Variants in RARB observed in about 807,000 individuals in gnomAD.
RARB encodes retinoic acid receptor beta.
RARB carries 17 observed loss-of-function variants against 51.9 expected under a neutral mutation model. The ratio of observed to expected loss-of-function variants is 0.33; its 90% CI spans 0.22 to 0.49. The LOEUF (loss-of-function observed/expected upper bound fraction) is 0.49, where lower values mean the gene tolerates loss of function less well. Ranked by LOEUF, RARB falls within the 20% of genes least tolerant of loss-of-function variation. The pLI, the probability that RARB is intolerant of heterozygous loss-of-function variation, is 0.99. For missense variants in RARB, 369 were observed against 550.8 expected, an observed-to-expected ratio of 0.67 and a Z score of 3.30; for synonymous variants, 215 against 195.4, an observed-to-expected ratio of 1.10 and a Z score of -0.84.
At chr3:25,174,808 T>C (rs1259179709) in intron 5 of RARB, among the ~76,000 whole-genome samples, 1 of 152,226 alleles carries the variant, frequency 6.6e-6, no homozygotes, top group Non-Finnish European at 1.5e-5. Flanking sequence ...CTCTGTTTCA[T>C]AAAATGCAAA....
chr3:25,323,193 G>A (rs1352800131), intron 5 of RARB, among the ~76,000 whole-genome samples: 1 of 152,156 alleles, frequency 6.6e-6, no homozygotes, highest in Non-Finnish European at 1.5e-5. Context: ...TGAAGCTCTG[G>A]GCCCAGCCAA....
Position 25,279,660 on chromosome 3 carries a change from G to T in RARB, c.178+105085G>T, listed in dbSNP as rs187623730. Among the ~76,000 whole-genome samples, 11 of 152,078 alleles carry T rather than the reference G, an allele frequency of 7.2e-5. No individual in the cohort carries two copies. In the East Asian group the frequency reaches 1.9e-3, roughly 27 times the overall value. ...CAAAAGGGAGAAAATGGTAAAGAAA[G>T]TTAGAGTGGTTTTGAGAAATATGGT... On this transcript the variant is annotated intron_variant, in intron 5 of 11. Coordinates refer to the RARB transcript ENST00000383772.
At chr3:25,353,564 G>T (rs1705641274) in intron 5 of RARB, among the ~76,000 whole-genome samples, 1 of 142,010 alleles carries the variant, frequency 7.0e-6, no homozygotes, top group African/African-American at 2.6e-5. Context: ...GATATCTTTT[G>T]TGGGAAAACT....
intron 1 of RARB, among the ~76,000 whole-genome samples, chr3:24,844,777 C>A (rs1014068901): frequency 1.3e-5 from 2 of 152,168 alleles, no homozygotes; most frequent in Admixed American, 1.3e-4. Context: ...TGGACCCCTG[C>A]GATCTGGAAC....
chr3:25,596,523 A>C lies in RARB; in HGVS notation c.1254A>C (p.Pro418=). The change falls in exon 8 of 8, where the codon CCA becomes CCC. Residue 418 remains proline (P), a synonymous_variant. Coordinates refer to ENST00000330688, the MANE Select transcript of RARB (RefSeq NM_000965.5). ...CTGAAGGACATGAACCCTTGACCCC[A>C]AGTTCAAGTGGGAACACAGCAGAGC... The part of the protein sequence containing the change: ...ENSEGHEPLT[P]SSSGNTAEHS... 6.2e-7 allele frequency: 1 copy of C among 1,613,510 alleles called. No individual in the cohort carries two copies. Among genetic ancestry groups the C allele is most frequent in the South Asian group, 1.1e-5 (1 of 91,064 alleles).
intron 5 of RARB, among the ~76,000 whole-genome samples, chr3:25,300,382 T>C (rs1458414712): frequency 6.6e-6 from 1 of 152,190 alleles, no homozygotes; most frequent in Non-Finnish European, 1.5e-5. Flanking sequence ...AGACTCTTGG[T>C]CTAACCATTA....
At chr3:25,288,533 C>T (rs149882761) in intron 5 of RARB, among the ~76,000 whole-genome samples, 1 of 152,274 alleles carries the variant, frequency 6.6e-6, no homozygotes, top group East Asian at 1.9e-4. Flanking sequence ...AACCCATGAG[C>T]CCAGGACACT....
At chr3:25,074,451 G>C (rs1358623051) in intron 3 of RARB, among the ~76,000 whole-genome samples, 1 of 152,086 alleles carries the variant, frequency 6.6e-6, no homozygotes, top group African/African-American at 2.4e-5. Context: ...CCACTTCTCT[G>C]TTCACACTGT....
intron 5 of RARB, among the ~76,000 whole-genome samples, chr3:25,393,566 C>T (rs192818167): frequency 1.2e-3 from 183 of 152,094 alleles, no homozygotes; most frequent in African/African-American, 4.3e-3. Flanking sequence ...ATTCTCACTG[C>T]TTGTTATTGT....
chr3:25,418,077 T>A (rs1707756616), intron 5 of RARB, among the ~76,000 whole-genome samples: 1 of 152,056 alleles, frequency 6.6e-6, no homozygotes, highest in African/African-American at 2.4e-5. Context: ...GAAGTGACAT[T>A]GAATTTGCAC....
chr3:25,172,622 G>C (rs1235891191), intron 4 of RARB, among the ~76,000 whole-genome samples: 1 of 152,128 alleles, frequency 6.6e-6, no homozygotes, highest in Non-Finnish European at 1.5e-5. Flanking sequence ...CTTCAAGGAC[G>C]TAAGCTTTAG....
At chr3:25,101,470 A>G (rs1262243392) in intron 3 of RARB, among the ~76,000 whole-genome samples, 1 of 152,114 alleles carries the variant, frequency 6.6e-6, no homozygotes, top group Non-Finnish European at 1.5e-5. Flanking sequence ...TATATTATAT[A>G]CATATTTTGT....
intron 1 of RARB, among the ~76,000 whole-genome samples, chr3:24,839,460 T>C (rs1004277748): frequency 6.6e-6 from 1 of 151,304 alleles, no homozygotes; most frequent in Non-Finnish European, 1.5e-5. Flanking sequence ...CCCGACACTT[T>C]GGGCTGAGGT....
chr3:24,956,976 T>C (rs1696030554), intron 2 of RARB, among the ~76,000 whole-genome samples: 1 of 152,170 alleles, frequency 6.6e-6, no homozygotes, highest in South Asian at 2.1e-4. Flanking sequence ...GAGATGCTAT[T>C]TTGAATTGTT....
intron 1 of RARB, among the ~76,000 whole-genome samples, chr3:24,835,617 T>C (rs1702335053): frequency 6.6e-6 from 1 of 152,206 alleles, no homozygotes; most frequent in Non-Finnish European, 1.5e-5. Flanking sequence ...GAACAAAGGT[T>C]GCAGAACCAA....
At chr3:25,021,652 T>C (rs2125285139) in intron 2 of RARB, among the ~76,000 whole-genome samples, 1 of 152,068 alleles carries the variant, frequency 6.6e-6, no homozygotes, top group East Asian at 1.9e-4. Flanking sequence ...TATTTTTTAC[T>C]GGAAAAAAAA....
intron 5 of RARB, among the ~76,000 whole-genome samples, chr3:25,261,168 T>C (rs1575266541): frequency 6.6e-6 from 1 of 152,128 alleles, no homozygotes; most frequent in African/African-American, 2.4e-5. Context: ...TAATGAATAC[T>C]CAAGAAGTGC....
At chr3:24,937,002 T>A (rs781041843) in intron 2 of RARB, among the ~76,000 whole-genome samples, 6 of 152,230 alleles carry the variant, frequency 3.9e-5, no homozygotes, top group South Asian at 2.1e-4. Context: ...CATATATGAC[T>A]GTTGAAGCTG....
intron 2 of RARB, among the ~76,000 whole-genome samples, chr3:25,028,060 C>T (rs965451448): frequency 3.9e-5 from 6 of 152,080 alleles, no homozygotes; most frequent in East Asian, 1.9e-4. Context: ...ACATTGTTAT[C>T]GGAGACATAA....
Sources: allele counts gnomAD v4.1 joint callset (sites outside exome capture counted in the v4.1 genomes callset), GRCh38; gene constraint gnomAD v4.1.1; transcripts MANE v1.5; gene names NCBI Gene and HGNC (gene_info 2026-07-23, HGNC 2026-07-21).